GPC6: variants seen among roughly 807,000 people sequenced by gnomAD.
GPC6 encodes glypican-6.
A neutral mutation model predicts 55.2 loss-of-function variants in GPC6; 14 were observed. The ratio of observed to expected loss-of-function variants is 0.25; its 90% CI spans 0.17 to 0.40. GPC6 has a LOEUF of 0.40. Among genes scored for constraint, GPC6 ranks in the 10% least tolerant of loss-of-function variants. The probability of loss-of-function intolerance (pLI) is 1.00; values close to 1 mark genes in which losing one functional copy is unlikely to be tolerated. For synonymous variants in GPC6, 278 were observed against 259.6 expected (o/e 1.07, Z -0.68); for missense variants, 641 against 708.5 (o/e 0.90, Z 1.08).
chr13:94,135,611 A>G (rs1887159653), intron 4 of GPC6, among the ~76,000 whole-genome samples: 1 of 152,264 alleles, frequency 6.6e-6, no homozygotes, highest in Non-Finnish European at 1.5e-5. Context: ...CATGTAGGAC[A>G]TAAATCCACA....
intron 6 of GPC6, among the ~76,000 whole-genome samples, chr13:94,373,689 A>G (rs1201114937): frequency 1.3e-5 from 2 of 152,188 alleles, no homozygotes; most frequent in African/African-American, 2.4e-5. Context: ...GCAGGCCAAC[A>G]TTCACATTCA....
At chr13:93,341,647 T>G (rs1880257829) in intron 1 of GPC6, among the ~76,000 whole-genome samples, 1 of 152,068 alleles carries the variant, frequency 6.6e-6, no homozygotes. Flanking sequence ...TGGATACTAG[T>G]CCTTTGTCAG....
At chr13:93,744,555 A>C (rs1331469996) in intron 2 of GPC6, among the ~76,000 whole-genome samples, 2 of 19,872 alleles carry the variant, frequency 1.0e-4, no homozygotes, top group African/African-American at 2.3e-4. Flanking sequence ...TTTTTTTTTT[A>C]CAGTTGATCA....
At chr13:94,294,556 T>C (rs1035364210) in intron 5 of GPC6, among the ~76,000 whole-genome samples, 1 of 151,950 alleles carries the variant, frequency 6.6e-6, no homozygotes, top group Non-Finnish European at 1.5e-5. Flanking sequence ...AAATGTCCCC[T>C]ACCAGCTCTA....
At chr13:94,168,178 C>G (rs1191970015) in intron 4 of GPC6, among the ~76,000 whole-genome samples, 1 of 152,234 alleles carries the variant, frequency 6.6e-6, no homozygotes, top group Non-Finnish European at 1.5e-5. Context: ...TTGGGTCCCT[C>G]TGGCTCCAAA....
At chr13:93,547,873 G>A (rs1212519194) in intron 2 of GPC6, among the ~76,000 whole-genome samples, 1 of 152,084 alleles carries the variant, frequency 6.6e-6, no homozygotes, top group Admixed American at 6.5e-5. Flanking sequence ...ATTCATGAGG[G>A]TCAGTTATAC....
intron 6 of GPC6, among the ~76,000 whole-genome samples, chr13:94,356,263 G>A (rs1268998678): frequency 6.6e-6 from 1 of 152,230 alleles, no homozygotes; most frequent in Non-Finnish European, 1.5e-5. Context: ...ACGCGTGCAT[G>A]TGTCTTTATA....
intron 4 of GPC6, among the ~76,000 whole-genome samples, chr13:94,253,066 T>A (rs1434729421): frequency 6.6e-6 from 1 of 152,132 alleles, no homozygotes; most frequent in African/African-American, 2.4e-5. Context: ...CGATTCTTTC[T>A]GCAAATGCTG....
intron 4 of GPC6, among the ~76,000 whole-genome samples, chr13:94,159,463 G>A (rs1345495125): frequency 2.0e-5 from 3 of 152,130 alleles, no homozygotes; most frequent in Non-Finnish European, 2.9e-5. Flanking sequence ...TGAGAACCAA[G>A]TGAAAGAGGA....
chr13:93,886,539 T>A (rs7989528), intron 3 of GPC6, among the ~76,000 whole-genome samples: 53,009 of 151,832 alleles, frequency 0.35, 9,464 homozygotes, highest in East Asian at 0.46. Flanking sequence ...ATATTGAAGC[T>A]TTATGTAGTC....
At chr13:94,377,995 A>C (rs969651063) in intron 6 of GPC6, among the ~76,000 whole-genome samples, 4 of 152,118 alleles carry the variant, frequency 2.6e-5, no homozygotes, top group African/African-American at 9.7e-5. Context: ...GAATTGAACA[A>C]TGAGAACACA....
At chr13:94,185,535 T>C (rs1889146983) in intron 4 of GPC6, among the ~76,000 whole-genome samples, 1 of 151,820 alleles carries the variant, frequency 6.6e-6, no homozygotes, top group Non-Finnish European at 1.5e-5. Context: ...TAAATATTGG[T>C]TTTCTCATTT....
chr13:93,866,248 T>A (rs140484425), intron 3 of GPC6, among the ~76,000 whole-genome samples: 4 of 151,820 alleles, frequency 2.6e-5, no homozygotes, highest in African/African-American at 9.6e-5. Flanking sequence ...TGTAAACAAT[T>A]GTAGTGTAGC....
intron 3 of GPC6, among the ~76,000 whole-genome samples, chr13:94,024,300 C>A (rs1363759072): frequency 6.6e-6 from 1 of 152,026 alleles, no homozygotes; most frequent in African/African-American, 2.4e-5. Flanking sequence ...ATTTTTTAAA[C>A]TATTTTTGAG....
chr13:94,147,322 G>A (rs1443853891), intron 4 of GPC6, among the ~76,000 whole-genome samples: 1 of 151,930 alleles, frequency 6.6e-6, no homozygotes, highest in Non-Finnish European at 1.5e-5. Flanking sequence ...GCATATACGG[G>A]TACTCCAAAC....
chr13:94,147,678 G>A (rs515317), intron 4 of GPC6, among the ~76,000 whole-genome samples: 136,885 of 152,138 alleles, frequency 0.9, 61,682 homozygotes, highest in East Asian at 0.99. Flanking sequence ...CCCTGGCTCT[G>A]TGACCCTGGG....
At chr13:93,627,458 A>G (rs138951050) in intron 2 of GPC6, among the ~76,000 whole-genome samples, 2,765 of 152,144 alleles carry the variant, frequency 0.018, 56 homozygotes, top group Admixed American at 0.064. Context: ...TGATCCAGTC[A>G]CCTCCAATAC....
chr13:94,212,735 A>G (rs951524109), intron 4 of GPC6, among the ~76,000 whole-genome samples: 1 of 152,222 alleles, frequency 6.6e-6, no homozygotes, highest in Non-Finnish European at 1.5e-5. Context: ...CTTTGAGGAA[A>G]CATGTGCTGA....
At chr13:93,922,213 G>A (rs2140346312) in intron 3 of GPC6, among the ~76,000 whole-genome samples, 1 of 152,204 alleles carries the variant, frequency 6.6e-6, no homozygotes, top group South Asian at 2.1e-4. Context: ...ATAAACAAAT[G>A]CCTCCTTGAT....
Sources: gnomAD v4.1 joint callset for allele counts (sites outside exome capture counted in the v4.1 genomes callset) on GRCh38, gnomAD v4.1.1 for gene constraint, MANE v1.5 for transcripts, NCBI Gene and HGNC (gene_info 2026-07-23, HGNC 2026-07-21) for gene names.